Variants in TJP1 observed in about 807,000 individuals in gnomAD.
TJP1 encodes the protein tight junction protein ZO-1.
A neutral mutation model predicts 194.2 loss-of-function variants in TJP1; 43 were observed. The ratio of observed to expected loss-of-function variants is 0.22; its 90% CI spans 0.17 to 0.29. The LOEUF is 0.29. Ranked by LOEUF, TJP1 falls within the 10% of genes least tolerant of loss-of-function variation. The pLI, the probability that TJP1 is intolerant of heterozygous loss-of-function variation, is 1.00. For missense variants in TJP1, 1,971 were observed against 2,185.7 expected (o/e 0.90, Z 1.96); for synonymous variants, 801 against 779.0 (o/e 1.03, Z -0.47).
At chr15:29,892,854 G>T (rs1297951525) in intron 2 of TJP1, among the ~76,000 whole-genome samples, 2 of 152,170 alleles carry the variant, frequency 1.3e-5, no homozygotes, top group Non-Finnish European at 2.9e-5. Context: ...TTGTTTTCAT[G>T]ACTGCTAACA....
intron 2 of TJP1, among the ~76,000 whole-genome samples, chr15:29,917,280 T>G (rs965310119): frequency 6.6e-5 from 10 of 152,216 alleles, no homozygotes; most frequent in African/African-American, 2.2e-4. Context: ...ATAAGCATTT[T>G]GAATTTTCAT....
At chr15:29,929,963 A>G (rs1362142048) in intron 2 of TJP1, among the ~76,000 whole-genome samples, 1 of 152,166 alleles carries the variant, frequency 6.6e-6, no homozygotes, top group African/African-American at 2.4e-5. Flanking sequence ...AACTTTATGC[A>G]ATACAACTGA....
Position 29,701,112 on chromosome 15 carries a change from G to C in TJP1, c.*483C>G, listed in dbSNP as rs1000463353. ...GTAAATCTCCTTGCTGTACATTTCT[G>C]TTAAATCCACAACACTGGTTATATA... On this transcript the variant is annotated 3_prime_UTR_variant, in exon 28 of 28. Coordinates refer to ENST00000614355, the MANE Select transcript of TJP1 (RefSeq NM_001330239.4). 2 of 154,008 alleles carry C rather than the reference G, an allele frequency of 1.3e-5. No homozygotes were observed. Among genetic ancestry groups the C allele is most frequent in the Non-Finnish European group, 2.9e-5 (2 of 68,998 alleles). 9.5% of individuals were successfully genotyped at this position (154,008 alleles called of 1,614,324 possible). A position where few individuals can be genotyped will look rare whatever the true frequency, so the allele number is the denominator to read the frequency against.
intron 5 of TJP1, among the ~76,000 whole-genome samples, chr15:29,764,976 A>G (rs2046242330): frequency 6.6e-6 from 1 of 152,190 alleles, no homozygotes; most frequent in South Asian, 2.1e-4. Flanking sequence ...TAAGTGGAAA[A>G]AAAGATTCTA....
At chr15:29,736,257 G>C (rs926463196) in intron 11 of TJP1, among the ~76,000 whole-genome samples, 1 of 152,098 alleles carries the variant, frequency 6.6e-6, no homozygotes, top group South Asian at 2.1e-4. Flanking sequence ...AAAGAAAACA[G>C]GCAAGGGCCT....
At chr15:29,911,062 C>T (rs2053996467) in intron 2 of TJP1, among the ~76,000 whole-genome samples, 2 of 152,194 alleles carry the variant, frequency 1.3e-5, no homozygotes, top group Non-Finnish European at 2.9e-5. Context: ...AGAGCAGATG[C>T]AAATAAATAA....
chr15:29,937,115 T>C (rs1240479253), intron 2 of TJP1, among the ~76,000 whole-genome samples: 2 of 152,252 alleles, frequency 1.3e-5, no homozygotes, highest in African/African-American at 4.8e-5. Context: ...TAGCAAACCA[T>C]ACTACTATTA....
intron 1 of TJP1, chr15:29,968,402 G>A (rs937922554): frequency 2.0e-6 from 2 of 985,108 alleles, no homozygotes; most frequent in East Asian, 1.1e-4. Flanking sequence ...CGTCCCGGCC[G>A]CTCCCCGTCG....
chr15:29,737,211 T>G, intron 11 of TJP1, 53 bp downstream of exon 11: 1 of 1,592,788 alleles, frequency 6.3e-7, no homozygotes, highest in Non-Finnish European at 8.6e-7. Context: ...TTGATACCTT[T>G]TTCTGGTGAT....
At position 29,755,324 on chromosome 15, in the gene TJP1, C is replaced by T. The variant is rs75389902; in HGVS notation, c.1010+5815G>A. Among the ~76,000 whole-genome samples the T allele has an allele frequency of 6.1e-3, 924 of 152,288 alleles. 8 individuals carry two copies. The highest frequency in any genetic ancestry group is 0.021 in the African/African-American group (874 of 41,558). Reference sequence around the variant, plus strand: ...ATCCCCATCAAGTGACACGTGACTGCACATTATATGCTCTACCTGCATGTT... The same window carrying T: ...ATCCCCATCAAGTGACACGTGACTGTACATTATATGCTCTACCTGCATGTT... On this transcript the variant is annotated intron_variant, in intron 8 of 27. Coordinates refer to ENST00000614355, the MANE Select transcript of TJP1 (RefSeq NM_001330239.4).
upstream of TJP1, among the ~76,000 whole-genome samples, chr15:29,824,702 A>G (rs2050627269): frequency 6.6e-6 from 1 of 152,234 alleles, no homozygotes; most frequent in Non-Finnish European, 1.5e-5. Flanking sequence ...GTGCAATTGC[A>G]TAAGCTGCCT....
rs940937130 is a variant in TJP1, at chr15:29,726,269, A to T, written c.2412+110T>A. ...AAAACCTAAAAGCTAACTTTCCCCA[A>T]ATTTCTCCAATATGTTGATCTAATT... On this transcript the variant is annotated intron_variant, in intron 18 of 27. Coordinates refer to ENST00000614355, the MANE Select transcript of TJP1 (RefSeq NM_001330239.4). The T allele has an allele frequency of 3.2e-6, 3 of 932,436 alleles. No homozygotes were observed. In the African/African-American group the frequency reaches 5.0e-5, roughly 16 times the overall value. 57.8% of individuals were successfully genotyped at this position (932,436 alleles called of 1,614,324 possible). A position where few individuals can be genotyped will look rare whatever the true frequency, so the allele number is the denominator to read the frequency against.
chr15:29,871,588 G>A (rs1202783464), intron 2 of TJP1, among the ~76,000 whole-genome samples: 1 of 152,246 alleles, frequency 6.6e-6, no homozygotes, highest in Non-Finnish European at 1.5e-5. Flanking sequence ...ATGAGGAAGT[G>A]CGTTAGTCAC....
chr15:29,950,754 G>T (rs1052433113), intron 2 of TJP1, among the ~76,000 whole-genome samples: 1 of 152,138 alleles, frequency 6.6e-6, no homozygotes, highest in Non-Finnish European at 1.5e-5. Context: ...CCAGCCAGGC[G>T]CCCATGGTGG....
rs1287426303 is a variant in TJP1, at chr15:29,700,649, C to A, written c.*946G>T. On this transcript the variant is annotated 3_prime_UTR_variant, in exon 28 of 28. Transcript: ENST00000614355. The stretch of plus-strand genomic sequence containing the variant: ...AAAAGTGGTATGCACGCATTATGTA[C>A]AAGCATCCTTAAAACATCAAAATTT... The A allele has an allele frequency of 1.3e-5, 4 of 313,676 alleles. No homozygotes were observed. Among genetic ancestry groups the A allele is most frequent in the African/African-American group, 2.3e-5 (1 of 44,156 alleles). 19.4% of individuals were successfully genotyped at this position (313,676 alleles called of 1,614,324 possible). A position where few individuals can be genotyped will look rare whatever the true frequency, so the allele number is the denominator to read the frequency against.
At chr15:29,836,993 A>G (rs28675809) in intron 2 of TJP1, among the ~76,000 whole-genome samples, 119,445 of 152,092 alleles carry the variant, frequency 0.79, 47,647 homozygotes, top group East Asian at 0.87. Flanking sequence ...TACTGTCCAT[A>G]AATTACCCAA....
chr15:29,930,250 A>T (rs182702269), intron 2 of TJP1, among the ~76,000 whole-genome samples: 186 of 152,334 alleles, frequency 1.2e-3, no homozygotes, highest in African/African-American at 4.4e-3. Flanking sequence ...TCATATAATG[A>T]AGCTAAGAAA....
In TJP1 at chr15:29,718,596, C is replaced by A; in HGVS notation, c.3546G>T (p.Gly1182=). 1 of 1,614,118 alleles carries A rather than the reference C, an allele frequency of 6.2e-7. No homozygotes were observed. The highest frequency in any genetic ancestry group is 1.1e-5 in the South Asian group (1 of 91,078). ...ACTGCTTGGACTCTGCAGGCTTGGG[C>A]CCTGCTGAAGGGTGGGGCTGGGCTT... ...RPEAQPHPSA[G]PKPAESKQYF... Residue 1182 remains glycine (G), a synonymous_variant, in exon 21 of 28, where the codon GGG becomes GGT. Transcript: ENST00000614355.
At chr15:29,889,670 C>A (rs1487478577) in intron 2 of TJP1, among the ~76,000 whole-genome samples, 1 of 152,222 alleles carries the variant, frequency 6.6e-6, no homozygotes, top group Non-Finnish European at 1.5e-5. Context: ...CTCCACGGAG[C>A]AGGCACACCC....
Sources: gnomAD v4.1 joint callset for allele counts (sites outside exome capture counted in the v4.1 genomes callset) on GRCh38, gnomAD v4.1.1 for gene constraint, MANE v1.5 for transcripts, NCBI Gene and HGNC (gene_info 2026-07-23, HGNC 2026-07-21) for gene names.